LRRC3B: variants seen among roughly 807,000 people sequenced by gnomAD.
The protein encoded by LRRC3B is leucine-rich repeat-containing protein 3B.
LRRC3B carries 2 observed loss-of-function variants against 12.8 expected under a neutral mutation model. That is an observed-to-expected ratio of 0.16 (90% CI 0.06 to 0.49). The LOEUF is 0.49. LRRC3B is among the 20% of genes least tolerant of loss of function. The pLI is 0.96. For missense variants in LRRC3B, 189 were observed against 319.4 expected (o/e 0.59, Z 3.11); for synonymous variants, 132 against 122.0 (o/e 1.08, Z -0.54).
At chr3:26,626,839 G>T (rs1449893816) in intron 1 of LRRC3B, among the ~76,000 whole-genome samples, 2 of 152,102 alleles carry the variant, frequency 1.3e-5, no homozygotes, top group African/African-American at 4.8e-5. Context: ...AAGATTAAAT[G>T]ATTTCTAATG....
chr3:26,625,979 T>G (rs1253353352), intron 1 of LRRC3B, among the ~76,000 whole-genome samples: 1 of 152,216 alleles, frequency 6.6e-6, no homozygotes, highest in African/African-American at 2.4e-5. Flanking sequence ...CAGAGAACAC[T>G]GAGTGTGTCC....
intron 1 of LRRC3B, among the ~76,000 whole-genome samples, chr3:26,658,268 C>G (rs1171608712): frequency 6.6e-6 from 1 of 152,094 alleles, no homozygotes; most frequent in Non-Finnish European, 1.5e-5. Context: ...CCATGTTAGC[C>G]AGAATGGTCT....
intron 1 of LRRC3B, among the ~76,000 whole-genome samples, chr3:26,667,119 G>GAAA (rs368094321): frequency 0.35 from 35,118 of 100,926 alleles, 6,785 homozygotes; most frequent in East Asian, 0.63. Flanking sequence ...TCACTTTCAA[G>GAAA]AAAAAAAAAA....
chr3:26,656,570 A>G (rs1027790603), intron 1 of LRRC3B, among the ~76,000 whole-genome samples: 3 of 152,250 alleles, frequency 2.0e-5, no homozygotes, highest in Admixed American at 6.5e-5. Flanking sequence ...ACTGGCCAGA[A>G]TTCTGTTACA....
chr3:26,698,687 T>C (rs533088586), intron 1 of LRRC3B, among the ~76,000 whole-genome samples: 1 of 152,098 alleles, frequency 6.6e-6, no homozygotes, highest in Non-Finnish European at 1.5e-5. Context: ...AATTGTTAAA[T>C]TTTTCCCATC....
chr3:26,699,224 G>A (rs73150439), intron 1 of LRRC3B, among the ~76,000 whole-genome samples: 120 of 152,194 alleles, frequency 7.9e-4, no homozygotes, highest in African/African-American at 2.7e-3. Context: ...TTATACTTAA[G>A]AAATGTGAAA....
chr3:26,667,928 T>A lies in LRRC3B; in HGVS notation c.-160-41585T>A, dbSNP rs116713430. On this transcript the variant is annotated intron_variant, in intron 1 of 1. Transcript: ENST00000396641. ...AACAAACTTTATTTTATTTTATTTT[T>A]TTATTTTATTATTATTATACTTTAA... Among the ~76,000 whole-genome samples the A allele has an allele frequency of 9.0e-3, 1,371 of 151,846 alleles. 21 individuals carry two copies. Among genetic ancestry groups the A allele is most frequent in the African/African-American group, 0.032 (1,314 of 41,538 alleles).
intron 1 of LRRC3B, among the ~76,000 whole-genome samples, chr3:26,675,301 C>G (rs146223752): frequency 3.9e-5 from 6 of 152,168 alleles, no homozygotes; most frequent in African/African-American, 1.4e-4. Flanking sequence ...CAGATGAATT[C>G]GCCACTGACA....
chr3:26,695,453 G>C (rs1700290873), intron 1 of LRRC3B, among the ~76,000 whole-genome samples: 1 of 152,128 alleles, frequency 6.6e-6, no homozygotes, highest in African/African-American at 2.4e-5. Context: ...CGTGAAACCG[G>C]GAGGCGGAGC....
chr3:26,638,841 A>T (rs919030766), intron 1 of LRRC3B, among the ~76,000 whole-genome samples: 1 of 152,190 alleles, frequency 6.6e-6, no homozygotes, highest in Non-Finnish European at 1.5e-5. Flanking sequence ...CAATTGAAGT[A>T]AGGCTGCTGA....
intron 1 of LRRC3B, among the ~76,000 whole-genome samples, chr3:26,638,329 T>A (rs193136644): frequency 2.0e-5 from 3 of 152,220 alleles, no homozygotes; most frequent in Non-Finnish European, 4.4e-5. Flanking sequence ...ATTGGTGATG[T>A]CATAGGTACT....
chr3:26,642,232 C>G (rs1470446206), intron 1 of LRRC3B, among the ~76,000 whole-genome samples: 1 of 152,204 alleles, frequency 6.6e-6, no homozygotes, highest in Non-Finnish European at 1.5e-5. Context: ...CAAATCACAT[C>G]TTAATCACAT....
intron 1 of LRRC3B, among the ~76,000 whole-genome samples, chr3:26,692,441 A>ATGCACG (rs1700211160): frequency 6.6e-6 from 1 of 152,186 alleles, no homozygotes; most frequent in Non-Finnish European, 1.5e-5. Flanking sequence ...GATATCTTTC[A>ATGCACG]TCTGTGTATC....
rs577382901 is a variant in LRRC3B at position 26,675,212 on chromosome 3, T to C, written c.-160-34301T>C. Reference sequence around the variant, plus strand: ...CTTTTGTCATTTTCGTAAAATAAAATGGATACATTCAGGTACAGCATATAA... The same window carrying C: ...CTTTTGTCATTTTCGTAAAATAAAACGGATACATTCAGGTACAGCATATAA... On this transcript the variant is annotated intron_variant, in intron 1 of 1. Coordinates refer to ENST00000396641, the Ensembl canonical transcript of LRRC3B. Among the ~76,000 whole-genome samples the C allele has an allele frequency of 3.3e-5, 5 of 152,326 alleles. No homozygotes were observed. The South Asian group carries it at 8.3e-4, about 25-fold the overall frequency.
chr3:26,706,214 A>G (rs1409508985), intron 1 of LRRC3B, among the ~76,000 whole-genome samples: 1 of 151,928 alleles, frequency 6.6e-6, no homozygotes, highest in Non-Finnish European at 1.5e-5. Context: ...TGCTTTCATG[A>G]CCTAATCACT....
chr3:26,624,339 TC>T (rs1698573341), intron 1 of LRRC3B: 3 of 152,730 alleles, frequency 2.0e-5, no homozygotes, highest in Admixed American at 1.3e-4. Flanking sequence ...GCTTCTACGC[TC>T]CTTCACCTCT....
chr3:26,636,496 G>T (rs1030324324), intron 1 of LRRC3B, among the ~76,000 whole-genome samples: 1 of 152,298 alleles, frequency 6.6e-6, no homozygotes, highest in Middle Eastern at 3.4e-3. Flanking sequence ...AGTTCAGAAT[G>T]TGTGGGTGTG....
At chr3:26,699,166 G>A (rs1327174178) in intron 1 of LRRC3B, among the ~76,000 whole-genome samples, 8 of 152,074 alleles carry the variant, frequency 5.3e-5, no homozygotes, top group African/African-American at 1.7e-4. Context: ...GGTTAAATAT[G>A]TATTGGCATG....
intron 1 of LRRC3B, among the ~76,000 whole-genome samples, chr3:26,681,527 A>G (rs534296756): frequency 1.3e-5 from 2 of 152,298 alleles, no homozygotes; most frequent in East Asian, 3.9e-4. Context: ...TTAATAATTC[A>G]AGCAAGCTTC....
Sources: allele counts gnomAD v4.1 joint callset (sites outside exome capture counted in the v4.1 genomes callset), GRCh38; gene constraint gnomAD v4.1.1; transcripts MANE v1.5; gene names NCBI Gene and HGNC (gene_info 2026-07-23, HGNC 2026-07-21).